The following NUP205 variants were observed in gnomAD, a reference collection of about 807,000 sequenced individuals.
NUP205 encodes nucleoporin 205, also known as nuclear pore complex protein Nup205.
A neutral mutation model predicts 253.8 loss-of-function variants in NUP205; 76 were observed. The observed-to-expected ratio is 0.30, with a 90% CI of 0.25 to 0.36. The LOEUF is 0.36. Among genes scored for constraint, NUP205 ranks in the 10% least tolerant of loss-of-function variants. The pLI, the probability that NUP205 is intolerant of heterozygous loss-of-function variation, is 1.00. For missense variants in NUP205, 2,162 were observed against 2,425.5 expected (o/e 0.89, Z 2.28); for synonymous variants, 832 against 850.1 (o/e 0.98, Z 0.37).
At chr7:135,599,950 T>G (rs528697176) in intron 15 of NUP205, among the ~76,000 whole-genome samples, 2 of 152,320 alleles carry the variant, frequency 1.3e-5, no homozygotes, top group Admixed American at 1.3e-4. Context: ...TATGCCTTTT[T>G]TATTTAAATA....
At chr7:135,588,456 TA>T (rs1806533359) in intron 10 of NUP205, among the ~76,000 whole-genome samples, 1 of 151,146 alleles carries the variant, frequency 6.6e-6, no homozygotes, top group African/African-American at 2.4e-5. Context: ...TTCTCTTTTA[TA>T]AAAGAAAATT....
rs1325719131 is a variant in NUP205, at chr7:135,645,470, A to T, written c.5686A>T (p.Ile1896Phe). ...CTTTAATCTGAGCTCTGGTATAGTT[A>T]TCATAGAGACCTGCCTATTTATTCT... ...RAKLLSLCSF[I>F]IETCLFILWR... The change falls in exon 41 of 43, where the codon ATC becomes TTC. Residue 1896 changes from isoleucine (I) to phenylalanine (F), a missense_variant and splice_region_variant. By Grantham distance (21) the Ile-to-Phe change is conservative. Around this residue, in one of 5 missense-constraint regions of NUP205, gnomAD observed 1,144 missense variants for 1,280.9 expected, o/e 0.89. Transcript: ENST00000285968. 9.3e-6 allele frequency: 15 copies of T among 1,613,472 alleles called. No homozygotes were observed. The highest frequency in any genetic ancestry group is 1.3e-5 in the Non-Finnish European group (15 of 1,179,740).
chr7:135,596,669 G>A (rs935054684), intron 13 of NUP205, among the ~76,000 whole-genome samples: 3 of 152,022 alleles, frequency 2.0e-5, no homozygotes, highest in Non-Finnish European at 4.4e-5. Context: ...AAGTTTACTG[G>A]CTGGGTGCAG....
At position 135,646,231 on chromosome 7, in the gene NUP205, G is replaced by C. The variant is rs751792445; in HGVS notation, c.5886G>C (p.Gln1962His). The C allele has an allele frequency of 1.2e-6, 2 of 1,604,432 alleles. No homozygotes were observed. The highest frequency in any genetic ancestry group is 1.7e-5 in the Admixed American group (1 of 59,984). ...LAIVSQHDLD[Q>H]LQADAINAFG... ...TAGTGAGCCAACATGATTTAGACCA[G>C]GTAAGGTTCTATTCTCATATTCTTT... Residue 1962 changes from glutamine (Q) to histidine (H), a missense_variant and splice_region_variant, in exon 42 of 43, where the codon CAG (glutamine) becomes CAC (histidine). Gln to His is a conservative substitution (Grantham distance 24, BLOSUM62 0). Around this residue, in one of 5 missense-constraint regions of NUP205, gnomAD observed 1,144 missense variants for 1,280.9 expected, o/e 0.89. Coordinates refer to ENST00000285968, the MANE Select transcript of NUP205 (RefSeq NM_015135.3).
intron 42 of NUP205, among the ~76,000 whole-genome samples, chr7:135,647,657 C>T (rs189447131): frequency 6.6e-6 from 1 of 152,116 alleles, no homozygotes; most frequent in East Asian, 1.9e-4. Context: ...GTAGCTAGGA[C>T]AACAAAAATA....
chr7:135,559,050 A>G (rs887212299), intron 1 of NUP205, among the ~76,000 whole-genome samples: 1 of 152,204 alleles, frequency 6.6e-6, no homozygotes, highest in Non-Finnish European at 1.5e-5. Flanking sequence ...TATCGTGCTT[A>G]TCTCATTCAG....
At chr7:135,579,558 T>C (rs1027419074) in intron 7 of NUP205, among the ~76,000 whole-genome samples, 1 of 152,200 alleles carries the variant, frequency 6.6e-6, no homozygotes, top group African/African-American at 2.4e-5. Context: ...ACTTCTTGAT[T>C]TGTTCACAAA....
At chr7:135,597,724 C>T in intron 14 of NUP205, 2 of 446,612 alleles carry the variant, frequency 4.5e-6, no homozygotes, top group South Asian at 4.6e-5. Context: ...ATTTTCTTTT[C>T]TCTCTAATTC....
chr7:135,564,397 C>T (rs1426106520), intron 1 of NUP205, among the ~76,000 whole-genome samples: 1 of 151,900 alleles, frequency 6.6e-6, no homozygotes, highest in East Asian at 1.9e-4. Context: ...CAGGTGTTAG[C>T]CACCATGCCC....
chr7:135,605,679 T>C (rs1401482201), intron 19 of NUP205, among the ~76,000 whole-genome samples: 1 of 152,216 alleles, frequency 6.6e-6, no homozygotes, highest in Admixed American at 6.5e-5. Context: ...TAAATTGTTA[T>C]TACTGATTTA....
intron 10 of NUP205, among the ~76,000 whole-genome samples, chr7:135,588,627 C>T (rs1276317983): frequency 2.0e-5 from 3 of 150,918 alleles, no homozygotes; most frequent in Non-Finnish European, 4.4e-5. Context: ...GATGACCAGG[C>T]TGGTCTGTAA....
chr7:135,614,135 AT>A, intron 22 of NUP205, 23 bp from the exon 23 acceptor site: 1 of 1,286,954 alleles, frequency 7.8e-7, no homozygotes, highest in Non-Finnish European at 1.1e-6. Context: ...TGATTCAGGG[AT>A]TTTTCTTACT....
chr7:135,637,269 A>G (rs565215376), intron 36 of NUP205, among the ~76,000 whole-genome samples: 2 of 152,214 alleles, frequency 1.3e-5, no homozygotes, highest in Non-Finnish European at 2.9e-5. Context: ...CAGGTCACAG[A>G]GCAAAAAGTT....
intron 22 of NUP205, among the ~76,000 whole-genome samples, chr7:135,611,312 T>C (rs1237583309): frequency 6.6e-6 from 1 of 152,148 alleles, no homozygotes; most frequent in Non-Finnish European, 1.5e-5. Context: ...CTGGCAGTTC[T>C]CTTCTGATAG....
chr7:135,621,540 C>G (rs1794469932), intron 30 of NUP205, among the ~76,000 whole-genome samples: 1 of 152,112 alleles, frequency 6.6e-6, no homozygotes. Flanking sequence ...AGATTAGTTT[C>G]CAATACAAGT....
intron 18 of NUP205, among the ~76,000 whole-genome samples, 170 bp downstream of exon 18, chr7:135,603,164 A>G (rs146645151): frequency 0.04 from 5,104 of 126,682 alleles, 120 homozygotes; most frequent in Middle Eastern, 0.2. Flanking sequence ...CGTCCAGGCT[A>G]GAGTGCAGTG....
At chr7:135,580,338 CTT>C (rs1454898567) in intron 7 of NUP205, among the ~76,000 whole-genome samples, 3 of 152,188 alleles carry the variant, frequency 2.0e-5, no homozygotes, top group Non-Finnish European at 4.4e-5. Flanking sequence ...GCGAATTAGA[CTT>C]TTACATTCCC....
At chr7:135,622,250 C>G (rs1340630285) in intron 30 of NUP205, among the ~76,000 whole-genome samples, 1 of 151,498 alleles carries the variant, frequency 6.6e-6, no homozygotes, top group Non-Finnish European at 1.5e-5. Context: ...TGATGAAACC[C>G]CATCTGTACT....
At chr7:135,581,716 GGTGGCGC>G (rs1259625511) in intron 7 of NUP205, among the ~76,000 whole-genome samples, 1 of 151,716 alleles carries the variant, frequency 6.6e-6, no homozygotes, top group East Asian at 1.9e-4. Context: ...AGCCAAGCAT[GGTGGCGC>G]GTGCCTGTAA....
Sources: gnomAD v4.1 joint callset for allele counts (sites outside exome capture counted in the v4.1 genomes callset) on GRCh38, gnomAD v4.1.1 for gene constraint, gnomAD v4.1.1 regional missense constraint, MANE v1.5 for transcripts, NCBI Gene and HGNC (gene_info 2026-07-23, HGNC 2026-07-21) for gene names.